Variants in TRIM24 observed in about 807,000 individuals in gnomAD.
TRIM24 encodes the protein tripartite motif containing 24, also known as transcription intermediary factor 1-alpha.
Under a neutral mutation model 123.9 loss-of-function variants are expected in TRIM24, and 29 were observed. The ratio of observed to expected loss-of-function variants is 0.23; its 90% CI spans 0.17 to 0.32. The LOEUF is 0.32. Ranked by LOEUF, TRIM24 falls within the 10% of genes least tolerant of loss-of-function variation. TRIM24 has a pLI of 1.00. For synonymous variants in TRIM24, 456 were observed against 461.1 expected (o/e 0.99, Z 0.14); for missense variants, 932 against 1,295.3 (o/e 0.72, Z 4.31).
chr7:138,581,825 AT>A (rs1797900988), intron 17 of TRIM24, 54 bp downstream of exon 17: 2 of 1,383,612 alleles, frequency 1.4e-6, no homozygotes, highest in Non-Finnish European at 1.0e-6. Context: ...CTTTTCTGGA[AT>A]TTTATGAGAA....
rs755772269 is a variant in TRIM24, at chr7:138,525,301, C to A, written c.825C>A (p.Thr275=). ...AAGTGATCATAGATACACTAATCAC[C>A]AAACTGATGGAAAAAACAAAATACA... ...NQKVIIDTLI[T]KLMEKTKYIK... Residue 275 remains threonine, a synonymous_variant, in exon 5 of 19, where the codon ACC becomes ACA. Coordinates refer to ENST00000343526, the MANE Select transcript of TRIM24 (RefSeq NM_015905.3). The A allele has an allele frequency of 2.6e-6, 4 of 1,518,244 alleles. No individual in the cohort carries two copies. The African/African-American group carries it at 4.3e-5, about 16-fold the overall frequency. The allele number at this position is 1,518,244 out of a possible 1,614,324, so 94.0% of individuals were successfully genotyped here.
chr7:138,529,181 T>A lies in TRIM24; in HGVS notation c.947T>A (p.Leu316Gln). Residue 316 changes from leucine to glutamine, a missense_variant, in exon 6 of 19, where the codon CTG becomes CAG. This residue lies in a region of TRIM24 where 527 missense variants were observed against 691.3 expected (regional missense o/e 0.76). Transcript: ENST00000343526. ...GATATTAAAGTTGCTATATTTACAC[T>A]GATGGTAGAAATAAATAAAAAAGGA... ...EQDIKVAIFT[L>Q]MVEINKKGKA... 1 of 1,579,060 alleles carries A rather than the reference T, an allele frequency of 6.3e-7. No individual in the cohort carries two copies. The highest frequency in any genetic ancestry group is 8.6e-7 in the Non-Finnish European group (1 of 1,166,114).
At chr7:138,576,005 C>T (rs1208768554) in intron 12 of TRIM24, among the ~76,000 whole-genome samples, 1 of 152,172 alleles carries the variant, frequency 6.6e-6, no homozygotes, top group African/African-American at 2.4e-5. Context: ...GTTACTCTAA[C>T]ACAGAAAGAC....
rs1034815163 is a variant in TRIM24, at chr7:138,559,570, G to C, written c.1530+4604G>C. ...CTAGTCAGCTTCTGGGGTGACTAGAGCCGGGCTGTTGTCTCCTCAAGCTTC... is the reference window on the plus strand; with the variant it reads ...CTAGTCAGCTTCTGGGGTGACTAGACCCGGGCTGTTGTCTCCTCAAGCTTC... On this transcript the variant is annotated intron_variant, in intron 9 of 18. Transcript: ENST00000343526. Among the ~76,000 whole-genome samples, 4 of 152,176 alleles carry C rather than the reference G, an allele frequency of 2.6e-5. 1 individual carries two copies. In the South Asian group the frequency reaches 8.3e-4, roughly 32 times the overall value.
intron 17 of TRIM24, among the ~76,000 whole-genome samples, chr7:138,583,320 T>TCC (rs1797942304): frequency 2.6e-5 from 4 of 152,224 alleles, no homozygotes; most frequent in Non-Finnish European, 5.9e-5. Flanking sequence ...GACAAGTTTT[T>TCC]TCATTAAAAA....
At chr7:138,480,170 C>G (rs903236142) in intron 1 of TRIM24, among the ~76,000 whole-genome samples, 2 of 152,072 alleles carry the variant, frequency 1.3e-5, no homozygotes, top group African/African-American at 4.8e-5. Context: ...CTCACTTTTA[C>G]CTAGGCTGGT....
chr7:138,558,640 G>A lies in TRIM24; in HGVS notation c.1530+3674G>A, dbSNP rs562941799. Among the ~76,000 whole-genome samples, 4 of 152,270 alleles carry A rather than the reference G, an allele frequency of 2.6e-5. No individual in the cohort carries two copies. The South Asian group carries it at 6.2e-4, about 24-fold the overall frequency. On this transcript the variant is annotated intron_variant, in intron 9 of 18. Transcript: ENST00000343526. Reference sequence around the variant, plus strand: ...TGCTCATAGAATGACTCAAAAACTCGGAACTGTTGGGTTGAATCGGTCCAG... The same window carrying A: ...TGCTCATAGAATGACTCAAAAACTCAGAACTGTTGGGTTGAATCGGTCCAG...
intron 15 of TRIM24, 149 bp downstream of exon 15, chr7:138,579,681 C>G: frequency 1.5e-6 from 1 of 656,606 alleles, no homozygotes; most frequent in Non-Finnish European, 2.6e-6. Context: ...TTTTCCCATA[C>G]CCTTCCGCTT....
chr7:138,489,774 G>A (rs532075496), intron 1 of TRIM24, among the ~76,000 whole-genome samples: 41 of 152,162 alleles, frequency 2.7e-4, no homozygotes, highest in African/African-American at 3.6e-4. Flanking sequence ...CTTTCTGGCC[G>A]CGCTTAACGT....
chr7:138,539,305 C>T (rs1216650290), intron 7 of TRIM24, among the ~76,000 whole-genome samples: 1 of 152,088 alleles, frequency 6.6e-6, no homozygotes, highest in Non-Finnish European at 1.5e-5. Context: ...CTTCTTGGTG[C>T]TGCACGGCAA....
intron 1 of TRIM24, among the ~76,000 whole-genome samples, chr7:138,462,646 C>T (rs1409609760): frequency 6.6e-6 from 1 of 151,536 alleles, no homozygotes; most frequent in African/African-American, 2.4e-5. Flanking sequence ...GGCCAAAAAT[C>T]TTGATGATGC....
intron 1 of TRIM24, among the ~76,000 whole-genome samples, chr7:138,471,703 G>C (rs1270189484): frequency 5.9e-5 from 9 of 151,964 alleles, no homozygotes. Context: ...ACCACAGTTG[G>C]CTAATTTTTG....
At chr7:138,552,751 C>T (rs374037907) in intron 8 of TRIM24, among the ~76,000 whole-genome samples, 54 of 152,100 alleles carry the variant, frequency 3.6e-4, no homozygotes, top group African/African-American at 1.1e-3. Context: ...ATAAGGAGAC[C>T]CCTGCAGACT....
chr7:138,543,469 T>G (rs984884411), intron 7 of TRIM24, among the ~76,000 whole-genome samples: 2 of 152,208 alleles, frequency 1.3e-5, no homozygotes, highest in Non-Finnish European at 2.9e-5. Context: ...TTATATTGTA[T>G]AACTCTGTTC....
chr7:138,465,295 T>C (rs1396709126), intron 1 of TRIM24, among the ~76,000 whole-genome samples: 1 of 152,224 alleles, frequency 6.6e-6, no homozygotes, highest in Non-Finnish European at 1.5e-5. Flanking sequence ...TTTCTTAGTA[T>C]GCAGTTATAT....
intron 2 of TRIM24, among the ~76,000 whole-genome samples, chr7:138,507,895 C>T (rs1161288423): frequency 6.6e-6 from 1 of 151,466 alleles, no homozygotes; most frequent in Non-Finnish European, 1.5e-5. Flanking sequence ...AATCATGCCA[C>T]TGCACCCCAG....
At chr7:138,530,769 C>G (rs926359425) in intron 6 of TRIM24, among the ~76,000 whole-genome samples, 7 of 151,958 alleles carry the variant, frequency 4.6e-5, no homozygotes, top group Admixed American at 1.3e-4. Context: ...ACCTTGCCCC[C>G]CCTTTGTTTT....
chr7:138,462,148 C>T (rs986109898), intron 1 of TRIM24, among the ~76,000 whole-genome samples: 4 of 152,012 alleles, frequency 2.6e-5, no homozygotes, highest in African/African-American at 9.7e-5. Context: ...ACATATTATC[C>T]AGTATAATAA....
intron 1 of TRIM24, among the ~76,000 whole-genome samples, chr7:138,479,883 G>A (rs1236969941): frequency 1.3e-5 from 2 of 151,466 alleles, no homozygotes; most frequent in South Asian, 4.2e-4. Flanking sequence ...GCAATGGTGC[G>A]AGCTCAGCTC....
Sources: gnomAD v4.1 joint callset for allele counts (sites outside exome capture counted in the v4.1 genomes callset) on GRCh38, gnomAD v4.1.1 for gene constraint, gnomAD v4.1.1 regional missense constraint, MANE v1.5 for transcripts, NCBI Gene and HGNC (gene_info 2026-07-23, HGNC 2026-07-21) for gene names.